Variants in XPO5 observed in about 807,000 individuals in gnomAD.
XPO5 encodes exportin-5.
XPO5 carries 46 observed loss-of-function variants against 160.6 expected under a neutral mutation model. The observed-to-expected ratio is 0.29, with a 90% CI of 0.23 to 0.37. The LOEUF (loss-of-function observed/expected upper bound fraction) is 0.37. Ranked by LOEUF, XPO5 falls within the 10% of genes least tolerant of loss-of-function variation. The pLI is 1.00. For missense variants in XPO5, 1,090 were observed against 1,463.9 expected (o/e 0.74, Z 4.17); for synonymous variants, 537 against 519.3 (o/e 1.03, Z -0.46).
At chr6:43,569,031 G>A (rs755246533) in intron 5 of XPO5, among the ~76,000 whole-genome samples, 4 of 152,148 alleles carry the variant, frequency 2.6e-5, no homozygotes, top group African/African-American at 4.8e-5. Context: ...GGTGGCTCAC[G>A]CCTGTAATCC....
chr6:43,529,111 TC>T, intron 23 of XPO5, 186 bp from the exon 24 acceptor site: 1 of 1,087,726 alleles, frequency 9.2e-7, no homozygotes, highest in Non-Finnish European at 1.3e-6. Context: ...GATATTGAAT[TC>T]CATTATACTC....
chr6:43,576,009 T>A lies in XPO5; in HGVS notation c.-145A>T, dbSNP rs568233526. Reference sequence around the variant, plus strand: ...CTGGAGGAGGAGCGTTAGCAGCAACTCGCGCTGGGAAGAAGCCGGCGCTGC... The same window carrying A: ...CTGGAGGAGGAGCGTTAGCAGCAACACGCGCTGGGAAGAAGCCGGCGCTGC... On this transcript the variant is annotated 5_prime_UTR_variant, in exon 1 of 32. Transcript: ENST00000265351. 2.9e-6 allele frequency: 2 copies of A among 685,536 alleles called. No individual in the cohort carries two copies. The highest frequency in any genetic ancestry group is 4.7e-6 in the Non-Finnish European group (2 of 422,212). 42.5% of individuals were successfully genotyped at this position (685,536 alleles called of 1,614,324 possible).
At chr6:43,531,924 C>A (rs986623767) in intron 21 of XPO5, among the ~76,000 whole-genome samples, 1 of 152,094 alleles carries the variant, frequency 6.6e-6, no homozygotes, top group African/African-American at 2.4e-5. Context: ...AAATCTTACA[C>A]AAAACACTAA....
intron 20 of XPO5, chr6:43,539,089 G>A: frequency 1.5e-6 from 2 of 1,336,426 alleles, no homozygotes; most frequent in Non-Finnish European, 2.1e-6. Context: ...CAGGTGCGGA[G>A]ACAATGCCAG....
intron 9 of XPO5, chr6:43,561,264 A>G (rs1762400232): frequency 5.0e-6 from 2 of 401,628 alleles, no homozygotes; most frequent in African/African-American, 2.0e-5. Context: ...CAGTAAAATA[A>G]AAAACACTCA....
rs191974643 is a variant in XPO5 at position 43,545,889 on chromosome 6, C to T, written c.2342+682G>A. On this transcript the variant is annotated intron_variant, in intron 20 of 31. Coordinates refer to ENST00000265351, the MANE Select transcript of XPO5 (RefSeq NM_020750.3). The stretch of plus-strand genomic sequence containing the variant: ...GCCTACTTCCACTTGAATATATTAA[C>T]TCATGTGATCTAAAACAGTGATTCT... Among the ~76,000 whole-genome samples the T allele has an allele frequency of 3.4e-3, 516 of 152,180 alleles. 5 individuals carry two copies. The Middle Eastern group carries it at 0.048, about 14-fold the overall frequency.
chr6:43,538,811 G>A (rs1305446995), intron 20 of XPO5: 2 of 868,068 alleles, frequency 2.3e-6, no homozygotes, highest in African/African-American at 1.7e-5. Context: ...TATTTTTCTT[G>A]TATAAAAACC....
intron 8 of XPO5, among the ~76,000 whole-genome samples, chr6:43,564,850 C>T (rs566680204): frequency 1.3e-5 from 2 of 151,980 alleles, no homozygotes; most frequent in East Asian, 3.9e-4. Context: ...TCAATCCTCC[C>T]GCCTTGGCCT....
chr6:43,562,457 G>A, intron 8 of XPO5, 111 bp from the exon 9 acceptor site: 4 of 803,788 alleles, frequency 5.0e-6, no homozygotes, highest in Non-Finnish European at 7.9e-6. Context: ...TAATTCAGCA[G>A]AATTCCAATA....
At chr6:43,563,360 T>G (rs1762509143) in intron 8 of XPO5, among the ~76,000 whole-genome samples, 1 of 152,182 alleles carries the variant, frequency 6.6e-6, no homozygotes, top group African/African-American at 2.4e-5. Context: ...GTCTTGAACT[T>G]CTGGGTCCAA....
At chr6:43,557,518 T>C (rs1002633920) in intron 12 of XPO5, among the ~76,000 whole-genome samples, 6 of 151,898 alleles carry the variant, frequency 4.0e-5, no homozygotes, top group Non-Finnish European at 5.9e-5. Context: ...CAATAGACCA[T>C]GTATGATTCA....
At chr6:43,528,352 G>T in intron 24 of XPO5, 147 bp from the exon 25 acceptor site, 1 of 746,532 alleles carries the variant, frequency 1.3e-6, no homozygotes. Context: ...ACACCACAAG[G>T]TTAAAAAAAA....
Position 43,523,682 on chromosome 6 carries a change from G to A in XPO5, c.*186C>T, listed in dbSNP as rs766006254. On this transcript the variant is annotated 3_prime_UTR_variant, in exon 32 of 32. Transcript: ENST00000265351. ...AGTTTAAGCCCTAACTCCCTTTCTT[G>A]ATACTTTAGTATAATTACTTCTGGT... 1.3e-5 allele frequency: 12 copies of A among 922,822 alleles called. No homozygotes were observed. The highest frequency in any genetic ancestry group is 2.2e-5 in the Non-Finnish European group (12 of 551,370). 57.2% of individuals were successfully genotyped at this position (922,822 alleles called of 1,614,324 possible).
At chr6:43,562,491 T>A (rs190791254) in intron 8 of XPO5, 145 bp from the exon 9 acceptor site, 117 of 653,772 alleles carry the variant, frequency 1.8e-4, no homozygotes, top group African/African-American at 9.0e-4. Context: ...AAAAATTTTT[T>A]AAAATCTTTT....
chr6:43,551,814 C>T (rs1795242408), intron 14 of XPO5, among the ~76,000 whole-genome samples: 1 of 152,136 alleles, frequency 6.6e-6, no homozygotes, highest in Non-Finnish European at 1.5e-5. Flanking sequence ...TACTGGCACG[C>T]ACCACCATGC....
chr6:43,525,827 C>A lies in XPO5; in HGVS notation c.3066+12G>T, dbSNP rs762907743. 1 of 1,613,894 alleles carries A rather than the reference C, an allele frequency of 6.2e-7. No individual in the cohort carries two copies. The highest frequency in any genetic ancestry group is 8.5e-7 in the Non-Finnish European group (1 of 1,179,826). On this transcript the variant is annotated intron_variant, in intron 28 of 31. Transcript: ENST00000265351. ...GCAAGGAGTAAAGGTATCACCTGCT[C>A]CTTCTACCCACCTCATGCTTCATCA...
intron 21 of XPO5, 71 bp from the exon 22 acceptor site, chr6:43,531,646 C>CTTCCTGCTGTAG: frequency 4.5e-6 from 6 of 1,339,878 alleles, no homozygotes; most frequent in Non-Finnish European, 6.4e-6. Flanking sequence ...CACTCTACAG[C>CTTCCTGCTGTAG]AGGAAGCTGT....
chr6:43,559,261 C>T (rs917997649), intron 11 of XPO5, among the ~76,000 whole-genome samples: 3 of 152,310 alleles, frequency 2.0e-5, no homozygotes, highest in African/African-American at 7.2e-5. Context: ...CGTGCCACTG[C>T]ACTCCAGCCT....
chr6:43,570,573 G>C lies in XPO5; in HGVS notation c.550C>G (p.Gln184Glu). 1 of 1,613,656 alleles carries C rather than the reference G, an allele frequency of 6.2e-7. No individual in the cohort carries two copies. Among genetic ancestry groups the C allele is most frequent in the Non-Finnish European group, 8.5e-7 (1 of 1,179,804 alleles). The change falls in exon 5 of 32, where the codon CAG (glutamine) becomes GAG (glutamate). Residue 184 changes from glutamine (Q) to glutamate (E), a missense_variant. This residue lies in a region of XPO5 where 170 missense variants were observed against 227.0 expected (regional missense o/e 0.75). Transcript: ENST00000265351. ...RRRDIQQTLT[Q>E]NMERIFSFLL... The stretch of plus-strand genomic sequence containing the variant: ...AAACTGAAGATCCTTTCCATGTTCT[G>C]GGTTAATGTTTGCTGGATGTCCCTT...
Sources: allele counts gnomAD v4.1 joint callset (sites outside exome capture counted in the v4.1 genomes callset), GRCh38; gene constraint gnomAD v4.1.1; regional missense constraint gnomAD v4.1.1; transcripts MANE v1.5; gene names NCBI Gene and HGNC (gene_info 2026-07-23, HGNC 2026-07-21).